CDKL3: variants seen among roughly 807,000 people sequenced by gnomAD.
CDKL3 encodes cyclin-dependent kinase-like 3.
In CDKL3, 65 loss-of-function variants were observed where a neutral mutation model predicts 69.3. That is an observed-to-expected ratio of 0.94 (90% confidence interval 0.77 to 1.15). The LOEUF is 1.15. Among genes scored for constraint, CDKL3 ranks in the 50% most tolerant of loss-of-function variants. The pLI is 0.00. For missense variants in CDKL3, 652 were observed against 689.2 expected, an observed-to-expected ratio of 0.95 and a Z score of 0.61; for synonymous variants, 202 against 221.6, an observed-to-expected ratio of 0.91 and a Z score of 0.79.
intron 10 of CDKL3, among the ~76,000 whole-genome samples, chr5:134,304,832 A>ATAT (rs143426655): frequency 0.01 from 1,522 of 146,370 alleles, 23 homozygotes; most frequent in African/African-American, 0.032. Flanking sequence ...AATAATAATA[A>ATAT]TATTATTATT....
intron 8 of CDKL3, among the ~76,000 whole-genome samples, chr5:134,289,045 C>T (rs995774997): frequency 6.6e-6 from 1 of 151,032 alleles, no homozygotes; most frequent in African/African-American, 2.4e-5. Context: ...ACCTGTACTC[C>T]CAACTATTCA....
chr5:134,355,235 G>GA lies in CDKL3; in HGVS notation c.360+4661dup, dbSNP rs60153337. On this transcript the variant is annotated intron_variant, in intron 3 of 12. Coordinates refer to ENST00000265334, the MANE Select transcript of CDKL3 (RefSeq NM_001113575.2). ...GCGACGGAGCAAGACTCTGTCTCAG[G>GA]AAAAAAAAAAAAAAAAAAAAACAGA... Among the ~76,000 whole-genome samples the GA allele has an allele frequency of 9.8e-3, 730 of 74,132 alleles. 5 individuals carry two copies. Among genetic ancestry groups the GA allele is most frequent in the East Asian group, 0.026 (58 of 2,270 alleles). 48.6% of individuals were successfully genotyped at this position (74,132 alleles called of 152,430 possible). A position where few individuals can be genotyped will look rare whatever the true frequency, so the allele number is the denominator to read the frequency against.
At position 134,367,098 on chromosome 5, in the gene CDKL3, C is replaced by G; in HGVS notation, c.-143G>C. 1 of 986,222 alleles carries G rather than the reference C, an allele frequency of 1.0e-6. No homozygotes were observed. Among genetic ancestry groups the G allele is most frequent in the Non-Finnish European group, 1.2e-6 (1 of 830,498 alleles). The allele number at this position is 986,222 out of a possible 1,614,324, so 61.1% of individuals were successfully genotyped here. On this transcript the variant is annotated 5_prime_UTR_variant, in exon 1 of 13. Transcript: ENST00000265334. The stretch of plus-strand genomic sequence containing the variant: ...CCAGTGGAGCCACCGAACACTGATA[C>G]TACTTTGTTGCTCAGCCCCGCAAGG...
rs530685791 is a variant in CDKL3 at position 134,360,342 on chromosome 5, T to TC, written c.166-252_166-251insG. ...GCCTCAGCCTCCTGAACAGCTGGGA[T>TC]TACAAGCGTGCACCACCATGCCCAG... On this transcript the variant is annotated intron_variant, in intron 2 of 12. Coordinates refer to ENST00000265334, the MANE Select transcript of CDKL3 (RefSeq NM_001113575.2). Among the ~76,000 whole-genome samples the TC allele has an allele frequency of 9.9e-5, 15 of 152,266 alleles. No homozygotes were observed. In the East Asian group the frequency reaches 1.9e-3, roughly 20 times the overall value.
chr5:134,320,422 G>A (rs1772410028), intron 5 of CDKL3, among the ~76,000 whole-genome samples: 1 of 151,524 alleles, frequency 6.6e-6, no homozygotes, highest in Non-Finnish European at 1.5e-5. Flanking sequence ...CACTAAAAAC[G>A]CAAAAATTAG....
intron 6 of CDKL3, among the ~76,000 whole-genome samples, chr5:134,315,752 T>C (rs924592700): frequency 6.6e-6 from 1 of 152,202 alleles, no homozygotes; most frequent in Non-Finnish European, 1.5e-5. Flanking sequence ...CTCAGGAGGC[T>C]GAGGCGGGAG....
intron 11 of CDKL3, among the ~76,000 whole-genome samples, chr5:134,303,900 T>C (rs915425457): frequency 1.3e-5 from 2 of 151,738 alleles, no homozygotes; most frequent in African/African-American, 2.4e-5. Context: ...TAAAGCTGTC[T>C]TAACCTCTCT....
chr5:134,333,018 T>G (rs1212031185), intron 4 of CDKL3, among the ~76,000 whole-genome samples: 1 of 152,252 alleles, frequency 6.6e-6, no homozygotes, highest in East Asian at 1.9e-4. Flanking sequence ...ATATCCCTTG[T>G]AAGTTGGATT....
At chr5:134,346,775 C>T (rs1751998268) in intron 4 of CDKL3, among the ~76,000 whole-genome samples, 1 of 152,176 alleles carries the variant, frequency 6.6e-6, no homozygotes, top group Non-Finnish European at 1.5e-5. Context: ...GGATTACAGG[C>T]ATGAGCCACC....
At chr5:134,301,474 C>A (rs79265796) in intron 12 of CDKL3, among the ~76,000 whole-genome samples, 1 of 152,048 alleles carries the variant, frequency 6.6e-6, no homozygotes, top group African/African-American at 2.4e-5. Context: ...TGTTAAAATG[C>A]CTTCTTACAG....
chr5:134,290,110 C>G (rs1765058455), intron 8 of CDKL3, among the ~76,000 whole-genome samples: 1 of 152,074 alleles, frequency 6.6e-6, no homozygotes, highest in Non-Finnish European at 1.5e-5. Flanking sequence ...AATCCCAGCA[C>G]TTTGGGAGGC....
At chr5:134,324,676 T>C (rs181215041) in intron 4 of CDKL3, among the ~76,000 whole-genome samples, 57 of 152,256 alleles carry the variant, frequency 3.7e-4, no homozygotes, top group African/African-American at 1.3e-3. Context: ...AGACCAATGA[T>C]TGCCAGCAGT....
intron 4 of CDKL3, among the ~76,000 whole-genome samples, chr5:134,337,054 T>C (rs545563346): frequency 8.5e-4 from 129 of 152,272 alleles, no homozygotes; most frequent in African/African-American, 2.8e-3. Flanking sequence ...GCCTCAGAAA[T>C]GGCGGATGCC....
At chr5:134,313,476 T>C (rs1770136334) in intron 6 of CDKL3, among the ~76,000 whole-genome samples, 2 of 152,170 alleles carry the variant, frequency 1.3e-5, no homozygotes, top group South Asian at 4.1e-4. Context: ...AGTATTATTA[T>C]TATCCTCATT....
At chr5:134,309,480 G>C (rs1768799026) in intron 7 of CDKL3, among the ~76,000 whole-genome samples, 1 of 152,148 alleles carries the variant, frequency 6.6e-6, no homozygotes, top group Admixed American at 6.5e-5. Flanking sequence ...ATTGGAGAGA[G>C]ATTATTTTGG....
chr5:134,344,542 A>G (rs1387330601), intron 4 of CDKL3, among the ~76,000 whole-genome samples: 4 of 152,168 alleles, frequency 2.6e-5, no homozygotes, highest in Non-Finnish European at 5.9e-5. Context: ...CGCACACACA[A>G]AAAGACATTC....
At chr5:134,353,847 C>T (rs978821113) in intron 3 of CDKL3, among the ~76,000 whole-genome samples, 9 of 152,102 alleles carry the variant, frequency 5.9e-5, no homozygotes, top group African/African-American at 2.2e-4. Context: ...CGTGAGCCAC[C>T]GTGCCTAGCC....
At chr5:134,301,826 G>A (rs574801561) in intron 12 of CDKL3, among the ~76,000 whole-genome samples, 3 of 152,272 alleles carry the variant, frequency 2.0e-5, no homozygotes, top group East Asian at 1.9e-4. Context: ...GGCAGAGGTT[G>A]CAGTGAGCCG....
At chr5:134,355,285 TCA>T (rs1420318027) in intron 3 of CDKL3, among the ~76,000 whole-genome samples, 8 of 146,014 alleles carry the variant, frequency 5.5e-5, no homozygotes, top group African/African-American at 2.0e-4. Context: ...ATCACAGAAC[TCA>T]CAGTCAGTTG....
Sources: allele counts gnomAD v4.1 joint callset (sites outside exome capture counted in the v4.1 genomes callset), GRCh38; gene constraint gnomAD v4.1.1; transcripts MANE v1.5; gene names NCBI Gene and HGNC (gene_info 2026-07-23, HGNC 2026-07-21).